Variants in LRP1B observed in about 807,000 individuals in gnomAD.
LRP1B encodes LDL receptor related protein 1B.
A neutral mutation model predicts 556.6 loss-of-function variants in LRP1B; 217 were observed. The observed-to-expected ratio is 0.39, with a 90% confidence interval of 0.35 to 0.44. The LOEUF (loss-of-function observed/expected upper bound fraction) is 0.44, where lower values mean the gene tolerates loss of function less well. Among genes scored for constraint, LRP1B ranks in the 20% least tolerant of loss-of-function variants. The pLI is 1.00. For missense variants in LRP1B, 5,053 were observed against 5,620.8 expected (o/e 0.90, Z 3.23); for synonymous variants, 2,047 against 1,865.8 (o/e 1.10, Z -2.50).
chr2:140,299,953 T>G (rs1452900863), intron 83 of LRP1B, among the ~76,000 whole-genome samples: 2 of 152,142 alleles, frequency 1.3e-5, no homozygotes, highest in South Asian at 2.1e-4. Flanking sequence ...TTTCTTTTTT[T>G]TTGTTTACAT....
At chr2:140,396,009 A>G (rs141944214) in intron 66 of LRP1B, among the ~76,000 whole-genome samples, 11 of 152,276 alleles carry the variant, frequency 7.2e-5, no homozygotes, top group African/African-American at 2.6e-4. Context: ...AATGCCTGCT[A>G]TTCCATTCAT....
At chr2:141,821,000 G>A (rs1696733581) in intron 1 of LRP1B, among the ~76,000 whole-genome samples, 1 of 152,222 alleles carries the variant, frequency 6.6e-6, no homozygotes, top group Non-Finnish European at 1.5e-5. Flanking sequence ...CATCACAAGG[G>A]TGCTTGCCAG....
intron 59 of LRP1B, among the ~76,000 whole-genome samples, chr2:140,478,043 GT>G (rs1171346947): frequency 1.3e-5 from 2 of 151,212 alleles, no homozygotes; most frequent in African/African-American, 4.9e-5. Flanking sequence ...CTTACAAATA[GT>G]TCTTTGGAAG....
chr2:140,480,045 T>A (rs1483733777), intron 59 of LRP1B, among the ~76,000 whole-genome samples: 1 of 152,210 alleles, frequency 6.6e-6, no homozygotes, highest in Admixed American at 6.5e-5. Context: ...ACAGTGAATT[T>A]AGCAGTCTCC....
At chr2:140,343,076 A>T (rs1681476860) in intron 77 of LRP1B, among the ~76,000 whole-genome samples, 1 of 151,580 alleles carries the variant, frequency 6.6e-6, no homozygotes, top group Admixed American at 6.6e-5. Context: ...GCATAATAAG[A>T]TCTTATGGAA....
intron 3 of LRP1B, among the ~76,000 whole-genome samples, chr2:141,305,655 T>C (rs887183744): frequency 1.3e-5 from 2 of 152,204 alleles, no homozygotes; most frequent in South Asian, 4.1e-4. Flanking sequence ...GTGGACATAT[T>C]TGTCTGGCTT....
chr2:140,884,084 A>G (rs2105188045), intron 24 of LRP1B, 63 bp from the exon 25 acceptor site: 2 of 1,416,354 alleles, frequency 1.4e-6, no homozygotes, highest in South Asian at 1.2e-5. Context: ...ACAAAGGAAA[A>G]GGCCTTTGTG....
At chr2:141,200,137 C>T (rs1343167998) in intron 6 of LRP1B, among the ~76,000 whole-genome samples, 1 of 152,082 alleles carries the variant, frequency 6.6e-6, no homozygotes, top group East Asian at 1.9e-4. Flanking sequence ...ATGTTAATTG[C>T]CGAACTATTC....
chr2:141,324,080 C>CAT (rs1687351651), intron 3 of LRP1B, among the ~76,000 whole-genome samples: 2 of 146,294 alleles, frequency 1.4e-5, no homozygotes, highest in Admixed American at 1.4e-4. Context: ...AAACCACACA[C>CAT]ATATACATGT....
chr2:142,036,648 ATTT>A (rs988088525), intron 1 of LRP1B, among the ~76,000 whole-genome samples: 1 of 151,586 alleles, frequency 6.6e-6, no homozygotes, highest in African/African-American at 2.4e-5. Flanking sequence ...TATACATTGC[ATTT>A]TTTTGACAAA....
At position 140,450,669 on chromosome 2, in the gene LRP1B, A is replaced by T; in HGVS notation, c.9964-8T>A. 1 of 1,576,764 alleles carries T rather than the reference A, an allele frequency of 6.3e-7. No homozygotes were observed. The highest frequency in any genetic ancestry group is 8.7e-7 in the Non-Finnish European group (1 of 1,154,066). The stretch of plus-strand genomic sequence containing the variant: ...GTCAGTTTTGCAACGAAACTTAAAA[A>T]AGAAAAAAAGAAAAAAAAATGTTGA... On this transcript the variant is annotated splice_polypyrimidine_tract_variant and splice_region_variant and intron_variant, in intron 62 of 90. Transcript: ENST00000389484.
chr2:140,529,418 A>G (rs72975807), intron 47 of LRP1B, among the ~76,000 whole-genome samples: 2,274 of 128,050 alleles, frequency 0.018, 66 homozygotes, highest in African/African-American at 0.065. Context: ...ACTCGTAGCA[A>G]AGGGAAGCTG....
chr2:141,505,446 G>A (rs1483145922), intron 2 of LRP1B, among the ~76,000 whole-genome samples: 1 of 151,980 alleles, frequency 6.6e-6, no homozygotes, highest in East Asian at 1.9e-4. Context: ...GTTATAATAT[G>A]CAAGAAAACT....
At chr2:140,436,080 A>C (rs1424783796) in intron 66 of LRP1B, among the ~76,000 whole-genome samples, 1 of 152,124 alleles carries the variant, frequency 6.6e-6, no homozygotes, top group Non-Finnish European at 1.5e-5. Context: ...TAAATTTGGC[A>C]AAACAAATAA....
chr2:141,473,571 T>G (rs1682561490), intron 3 of LRP1B, among the ~76,000 whole-genome samples: 1 of 152,162 alleles, frequency 6.6e-6, no homozygotes, highest in Admixed American at 6.5e-5. Flanking sequence ...TGAGACTATC[T>G]GATCACCTTA....
chr2:140,760,747 G>A lies in LRP1B; in HGVS notation c.5758+8466C>T, dbSNP rs150302316. On this transcript the variant is annotated intron_variant, in intron 35 of 90. Coordinates refer to ENST00000389484, the MANE Select transcript of LRP1B (RefSeq NM_018557.3). ...TTAAAAATACAAAAAATTAACTGGC[G>A]TGGTTGTGGGCACCTGTAGTCCCAG... Among the ~76,000 whole-genome samples the A allele has an allele frequency of 6.8e-3, 1,034 of 152,086 alleles. 12 individuals are homozygous for A. Among genetic ancestry groups the A allele is most frequent in the Middle Eastern group, 0.024 (7 of 294 alleles).
chr2:140,892,293 G>A (rs879717455), intron 23 of LRP1B, among the ~76,000 whole-genome samples: 1 of 152,092 alleles, frequency 6.6e-6, no homozygotes, highest in Non-Finnish European at 1.5e-5. Flanking sequence ...CGTGGATGAA[G>A]TTCATAGATG....
In LRP1B at chr2:140,457,590, C is replaced by T. The variant is rs1687154457; in HGVS notation, c.9687G>A (p.Trp3229Ter). 6.2e-7 allele frequency: 1 copy of T among 1,613,738 alleles called. No homozygotes were observed. Among genetic ancestry groups the T allele is most frequent in the Non-Finnish European group, 8.5e-7 (1 of 1,179,776 alleles). Residue 3229 changes from tryptophan to a stop codon, truncating the protein, a stop_gained, in exon 61 of 91, where the codon TGG becomes TGA. Transcript: ENST00000389484. LOFTEE classifies it high-confidence loss of function. ...TGAGTGACTTGGTTTTCCCATCAGT[C>T]CAGTAGATGTAGTCTTCAAACAATG... ...ALTLFEDYIY[W>*]TDGKTKSLSR... is the part of the protein sequence containing the mutation.
Position 140,525,868 on chromosome 2 carries a change from A to C in LRP1B, c.8002T>G (p.Tyr2668Asp). 6.2e-7 allele frequency: 1 copy of C among 1,612,070 alleles called. No homozygotes were observed. Among genetic ancestry groups the C allele is most frequent in the Non-Finnish European group, 8.5e-7 (1 of 1,178,680 alleles). ...ICDGSNDCGD[Y>D]SDELKCPVQN... ...CCTGGGCACTTTAATTCATCTGAATAGTCTCCACAGTCATTAGACCCGTCG... is the reference window on the plus strand; with the variant it reads ...CCTGGGCACTTTAATTCATCTGAATCGTCTCCACAGTCATTAGACCCGTCG... Residue 2668 changes from tyrosine to aspartate, a missense_variant, in exon 49 of 91, where the codon TAT (tyrosine) becomes GAT (aspartate). By Grantham distance (160) the Tyr-to-Asp change is radical (BLOSUM62 -3). Coordinates refer to ENST00000389484, the MANE Select transcript of LRP1B (RefSeq NM_018557.3).
Sources: gnomAD v4.1 joint callset for allele counts (sites outside exome capture counted in the v4.1 genomes callset) on GRCh38, gnomAD v4.1.1 for gene constraint, MANE v1.5 for transcripts, NCBI Gene and HGNC (gene_info 2026-07-23, HGNC 2026-07-21) for gene names.